Variants in CEP128 observed in about 807,000 individuals in gnomAD.
CEP128 encodes the protein centrosomal protein 128kDa.
A neutral mutation model predicts 156.7 loss-of-function variants in CEP128; 132 were observed. That is an observed-to-expected ratio of 0.84 (90% confidence interval 0.73 to 0.97). The LOEUF is 0.97. CEP128 is among the 50% of genes least tolerant of loss of function. CEP128 has a pLI of 0.00. For synonymous variants in CEP128, 469 were observed against 448.9 expected, an observed-to-expected ratio of 1.04 and a Z score of -0.57; for missense variants, 1,252 against 1,281.9, an observed-to-expected ratio of 0.98 and a Z score of 0.36.
Position 80,587,063 on chromosome 14 carries a change from A to G in CEP128, c.2807-6640T>C, listed in dbSNP as rs569659438. On this transcript the variant is annotated intron_variant, in intron 19 of 24. Transcript: ENST00000555265. ...GCTCTCAGTATTTTTTTTTTAAATC[A>G]CCCTTAAATATCTCTGCTAAAATCA... Among the ~76,000 whole-genome samples, 5 of 152,068 alleles carry G rather than the reference A, an allele frequency of 3.3e-5. No individual in the cohort carries two copies. The East Asian group carries it at 7.7e-4, about 24-fold the overall frequency.
intron 20 of CEP128, among the ~76,000 whole-genome samples, chr14:80,559,903 G>T (rs1890597203): frequency 2.0e-5 from 3 of 152,152 alleles, no homozygotes; most frequent in Admixed American, 1.3e-4. Flanking sequence ...GCTTTAAAAG[G>T]GGTCATTGAT....
chr14:80,720,236 G>C (rs898752930), intron 19 of CEP128, among the ~76,000 whole-genome samples: 2 of 152,092 alleles, frequency 1.3e-5, no homozygotes, highest in African/African-American at 4.8e-5. Context: ...CAAGTTGAAG[G>C]GGGAGAATGG....
At chr14:80,888,782 C>T (rs113309798) in intron 8 of CEP128, among the ~76,000 whole-genome samples, 74,670 of 151,682 alleles carry the variant, frequency 0.49, 18,852 homozygotes, top group African/African-American at 0.57. Flanking sequence ...CTGGCCAGGG[C>T]AATCAGGCAA....
intron 19 of CEP128, among the ~76,000 whole-genome samples, chr14:80,609,764 A>T (rs1892923045): frequency 2.0e-5 from 3 of 152,216 alleles, no homozygotes; most frequent in Admixed American, 2.0e-4. Flanking sequence ...GAATGCAATA[A>T]GAAGGAAACA....
At chr14:80,720,716 T>TA (rs1179731552) in intron 19 of CEP128, among the ~76,000 whole-genome samples, 1 of 152,066 alleles carries the variant, frequency 6.6e-6, no homozygotes, top group Admixed American at 6.6e-5. Flanking sequence ...TTTTGAAAAA[T>TA]AAAAAACTAG....
intron 18 of CEP128, among the ~76,000 whole-genome samples, chr14:80,755,746 T>C (rs974852893): frequency 7.9e-5 from 12 of 152,210 alleles, no homozygotes; most frequent in African/African-American, 2.7e-4. Context: ...ATGGGAATTA[T>C]AGTACTGTAG....
In CEP128 at chr14:80,836,249, G is replaced by C. The variant is rs771839111; in HGVS notation, c.1013C>G (p.Ser338Ter). ...HQVSQISKQQ[S>*]NYQDEQGEDW... is the part of the protein sequence containing the mutation. ...CTCCCCTTGTTCATCCTGATAGTTTGACTGTTGCTTGGAAATCTGAGATAC... is the reference window on the plus strand; with the variant it reads ...CTCCCCTTGTTCATCCTGATAGTTTCACTGTTGCTTGGAAATCTGAGATAC... The change falls in exon 12 of 25, where the codon TCA becomes TGA. Residue 338 changes from serine (S) to a stop codon, truncating the protein, a stop_gained. Coordinates refer to ENST00000555265, the MANE Select transcript of CEP128 (RefSeq NM_152446.5). LOFTEE classifies it high-confidence loss of function. 1.4e-5 allele frequency: 22 copies of C among 1,613,818 alleles called. No homozygotes were observed. The Admixed American group carries it at 2.7e-4, about 20-fold the overall frequency.
chr14:80,714,490 T>C (rs1003155678), intron 19 of CEP128, among the ~76,000 whole-genome samples: 4 of 152,056 alleles, frequency 2.6e-5, no homozygotes, highest in Admixed American at 1.3e-4. Context: ...TACACATGAG[T>C]GCATGTATGT....
intron 21 of CEP128, among the ~76,000 whole-genome samples, chr14:80,550,812 TAAAAA>T (rs35063739): frequency 7.3e-6 from 1 of 137,174 alleles, no homozygotes; most frequent in African/African-American, 2.6e-5. Flanking sequence ...ATGTGAAATG[TAAAAA>T]AAAAAAAAAA....
At chr14:80,638,948 T>C (rs2140776002) in intron 19 of CEP128, among the ~76,000 whole-genome samples, 1 of 152,290 alleles carries the variant, frequency 6.6e-6, no homozygotes, top group East Asian at 1.9e-4. Flanking sequence ...TTTTCTTTCA[T>C]TTGGTTACAA....
chr14:80,498,024 C>T (rs975210270), intron 24 of CEP128, among the ~76,000 whole-genome samples: 1 of 152,188 alleles, frequency 6.6e-6, no homozygotes, highest in Non-Finnish European at 1.5e-5. Flanking sequence ...TCCTACTCCT[C>T]GTCTGAGCTA....
At chr14:80,713,193 A>G (rs1897475666) in intron 19 of CEP128, among the ~76,000 whole-genome samples, 1 of 152,102 alleles carries the variant, frequency 6.6e-6, no homozygotes, top group African/African-American at 2.4e-5. Context: ...GAAACACCAC[A>G]CTTACTCACT....
chr14:80,919,783 G>T (rs1193127594), intron 2 of CEP128, among the ~76,000 whole-genome samples: 1 of 152,080 alleles, frequency 6.6e-6, no homozygotes, highest in Non-Finnish European at 1.5e-5. Context: ...CCACCACTAG[G>T]ATTACATACT....
intron 17 of CEP128, among the ~76,000 whole-genome samples, chr14:80,758,777 T>C (rs2139673849): frequency 6.6e-6 from 1 of 152,342 alleles, no homozygotes; most frequent in South Asian, 2.1e-4. Context: ...GAGTATCCAC[T>C]AAGCGCAAGA....
At chr14:80,742,926 G>T in intron 19 of CEP128, 149 bp downstream of exon 19, 1 of 669,626 alleles carries the variant, frequency 1.5e-6, no homozygotes. Flanking sequence ...TCCCAGAAAT[G>T]AAGAAAGATA....
intron 19 of CEP128, among the ~76,000 whole-genome samples, chr14:80,649,000 C>A (rs1189050005): frequency 6.6e-6 from 1 of 151,928 alleles, no homozygotes; most frequent in South Asian, 2.1e-4. Context: ...TCAAAGGTGC[C>A]GAGGTAATCT....
chr14:80,811,831 T>C (rs754053541), intron 13 of CEP128, among the ~76,000 whole-genome samples: 7 of 151,904 alleles, frequency 4.6e-5, no homozygotes, highest in Non-Finnish European at 5.9e-5. Context: ...GATAGATAGA[T>C]AGATAGATAG....
chr14:80,918,746 C>A (rs995113900), intron 2 of CEP128, among the ~76,000 whole-genome samples: 5 of 152,068 alleles, frequency 3.3e-5, no homozygotes, highest in African/African-American at 1.2e-4. Flanking sequence ...CCTCTCATTT[C>A]ATGTCAGCAT....
intron 9 of CEP128, among the ~76,000 whole-genome samples, chr14:80,861,598 C>T (rs1887514895): frequency 6.6e-6 from 1 of 152,022 alleles, no homozygotes; most frequent in South Asian, 2.1e-4. Flanking sequence ...AAATTGTTTA[C>T]ACCCTGAGAA....
Sources: allele counts gnomAD v4.1 joint callset (sites outside exome capture counted in the v4.1 genomes callset), GRCh38; gene constraint gnomAD v4.1.1; transcripts MANE v1.5; gene names NCBI Gene and HGNC (gene_info 2026-07-23, HGNC 2026-07-21).